The following CDH13 variants were observed in gnomAD, a reference collection of about 807,000 sequenced individuals.
CDH13 encodes cadherin 13, also known as cadherin-13.
Under a neutral mutation model 63.8 loss-of-function variants are expected in CDH13, and 24 were observed. The ratio of observed to expected loss-of-function variants is 0.38; its 90% CI spans 0.27 to 0.53. The LOEUF (loss-of-function observed/expected upper bound fraction) is 0.53, where lower values mean the gene tolerates loss of function less well. CDH13 is among the 20% of genes least tolerant of loss of function. CDH13 has a pLI of 0.85. For missense variants in CDH13, 1,049 were observed against 903.1 expected, an observed-to-expected ratio of 1.16 and a Z score of -2.07; for synonymous variants, 503 against 355.3, an observed-to-expected ratio of 1.42 and a Z score of -4.67.
chr16:83,298,463 C>T (rs1435341374), intron 5 of CDH13, among the ~76,000 whole-genome samples: 4 of 152,228 alleles, frequency 2.6e-5, no homozygotes, highest in African/African-American at 9.6e-5. Flanking sequence ...CTAGGCCCTA[C>T]CTCAAGCCTG....
At chr16:83,711,882 C>G (rs556604973) in intron 10 of CDH13, among the ~76,000 whole-genome samples, 1 of 152,330 alleles carries the variant, frequency 6.6e-6, no homozygotes, top group East Asian at 1.9e-4. Flanking sequence ...TAACAAAGTA[C>G]CATAGACTGA....
chr16:83,554,610 G>T (rs2075567841), intron 7 of CDH13, among the ~76,000 whole-genome samples: 1 of 152,010 alleles, frequency 6.6e-6, no homozygotes, highest in South Asian at 2.1e-4. Flanking sequence ...TTGGTTGCCT[G>T]ATAACAAAAA....
chr16:83,205,489 C>G (rs11642850), intron 4 of CDH13, among the ~76,000 whole-genome samples: 133,090 of 152,182 alleles, frequency 0.87, 60,364 homozygotes, highest in Non-Finnish European at 0.98. Flanking sequence ...GCAGTGGTCC[C>G]TTGAAGGCCA....
intron 1 of CDH13, among the ~76,000 whole-genome samples, chr16:82,831,762 T>C (rs1423256990): frequency 6.6e-6 from 1 of 152,238 alleles, no homozygotes; most frequent in Non-Finnish European, 1.5e-5. Context: ...TAATGATTAA[T>C]GGAATTTCTC....
chr16:82,792,653 A>G (rs1412272410), intron 1 of CDH13, among the ~76,000 whole-genome samples: 1 of 152,196 alleles, frequency 6.6e-6, no homozygotes, highest in Non-Finnish European at 1.5e-5. Context: ...GTGGACCTTC[A>G]TTCAGGGTGA....
In CDH13 at chr16:83,251,713, C is replaced by G. The variant is rs1009644567; in HGVS notation, c.636+34216C>G. Among the ~76,000 whole-genome samples the G allele has an allele frequency of 8.5e-5, 13 of 152,336 alleles. No individual in the cohort carries two copies. The South Asian group carries it at 2.7e-3, about 32-fold the overall frequency. On this transcript the variant is annotated intron_variant, in intron 5 of 13. Transcript: ENST00000567109. ...AGCCTCTGACATCTGAATAGCTACGCTGAGAAAGGTAGACCTTGTCTTTCC... is the reference window on the plus strand; with the variant it reads ...AGCCTCTGACATCTGAATAGCTACGGTGAGAAAGGTAGACCTTGTCTTTCC...
At chr16:82,672,545 C>A (rs79293793) in intron 1 of CDH13, among the ~76,000 whole-genome samples, 8 of 151,938 alleles carry the variant, frequency 5.3e-5, no homozygotes, top group Non-Finnish European at 1.2e-4. Flanking sequence ...CTTGGCTCTT[C>A]CCTCCACTCT....
chr16:83,796,013 C>T lies in CDH13; in HGVS notation c.*983C>T, dbSNP rs751104496. On this transcript the variant is annotated 3_prime_UTR_variant, in exon 14 of 14. Transcript: ENST00000567109. ...ACATGTACAGACATACATTTATGCA[C>T]ATTCACGCTGTTTGTTTCATATATA... 1.3e-5 allele frequency: 2 copies of T among 152,626 alleles called. No homozygotes were observed. The highest frequency in any genetic ancestry group is 6.5e-5 in the Admixed American group (1 of 15,274). 9.5% of individuals were successfully genotyped at this position (152,626 alleles called of 1,614,324 possible). A position where few individuals can be genotyped will look rare whatever the true frequency, so the allele number is the denominator to read the frequency against.
chr16:83,392,223 C>T (rs373310510), intron 6 of CDH13, among the ~76,000 whole-genome samples: 14 of 152,338 alleles, frequency 9.2e-5, no homozygotes, highest in African/African-American at 2.6e-4. Context: ...AAGCCCACAA[C>T]CCCCAAACCT....
intron 1 of CDH13, among the ~76,000 whole-genome samples, chr16:82,753,329 C>T (rs2151072730): frequency 6.6e-6 from 1 of 152,280 alleles, no homozygotes; most frequent in East Asian, 1.9e-4. Context: ...GCATATCTGT[C>T]CTTGGCTTCA....
chr16:83,474,770 C>G (rs1285038250), intron 6 of CDH13, among the ~76,000 whole-genome samples: 1 of 152,154 alleles, frequency 6.6e-6, no homozygotes, highest in Non-Finnish European at 1.5e-5. Context: ...AACAGGGAAC[C>G]CAGAGCTTAG....
At chr16:83,140,204 C>T (rs1028758652) in intron 4 of CDH13, among the ~76,000 whole-genome samples, 4 of 152,202 alleles carry the variant, frequency 2.6e-5, no homozygotes, top group African/African-American at 9.6e-5. Context: ...TGCTGACAAG[C>T]CCAGCTCCAT....
In CDH13 at chr16:82,804,779, A is replaced by C. The variant is rs116894949; in HGVS notation, c.46-53583A>C. 1.5e-3 allele frequency among the ~76,000 whole-genome samples: 232 copies of C among 152,320 alleles called. 2 individuals are homozygous for C. The East Asian group carries it at 0.036, about 24-fold the overall frequency. ...ACAGAGAAGAAAACACTATGAATTC[A>C]TGACCCATTTGCATAGTTTTAGGGG... On this transcript the variant is annotated intron_variant, in intron 1 of 13. Transcript: ENST00000567109.
intron 6 of CDH13, among the ~76,000 whole-genome samples, chr16:83,461,345 T>C (rs771885371): frequency 6.6e-6 from 1 of 152,146 alleles, no homozygotes; most frequent in Non-Finnish European, 1.5e-5. Flanking sequence ...TTATCAATAA[T>C]TTATTAAAAT....
chr16:83,681,734 C>T (rs1364775227), intron 10 of CDH13, among the ~76,000 whole-genome samples: 1 of 152,204 alleles, frequency 6.6e-6, no homozygotes, highest in Non-Finnish European at 1.5e-5. Flanking sequence ...TGATCCTGCA[C>T]ACTGAGAAGT....
intron 5 of CDH13, among the ~76,000 whole-genome samples, chr16:83,231,947 T>C (rs1444667174): frequency 1.3e-5 from 2 of 152,098 alleles, no homozygotes; most frequent in Non-Finnish European, 2.9e-5. Flanking sequence ...AGGATGTTTA[T>C]AAAAGAATGT....
At chr16:83,144,605 G>A (rs1407159388) in intron 4 of CDH13, among the ~76,000 whole-genome samples, 1 of 152,228 alleles carries the variant, frequency 6.6e-6, no homozygotes, top group Non-Finnish European at 1.5e-5. Context: ...GAGGTGTGAT[G>A]ATTATACTAT....
intron 6 of CDH13, among the ~76,000 whole-genome samples, chr16:83,407,017 A>T (rs983597519): frequency 1.3e-5 from 2 of 152,372 alleles, no homozygotes; most frequent in South Asian, 4.1e-4. Context: ...ATGCCTGATG[A>T]AAGCTGAATT....
chr16:83,082,939 G>A (rs904602446), intron 3 of CDH13, among the ~76,000 whole-genome samples: 2 of 151,998 alleles, frequency 1.3e-5, no homozygotes, highest in Non-Finnish European at 2.9e-5. Flanking sequence ...TTCCCAGACA[G>A]TGTGTTTTAA....
Sources: gnomAD v4.1 joint callset for allele counts (sites outside exome capture counted in the v4.1 genomes callset) on GRCh38, gnomAD v4.1.1 for gene constraint, MANE v1.5 for transcripts, NCBI Gene and HGNC (gene_info 2026-07-23, HGNC 2026-07-21) for gene names.